The following PDE4D variants were observed in gnomAD, a reference collection of about 807,000 sequenced individuals.
PDE4D encodes phosphodiesterase 4D, also known as 3',5'-cyclic-AMP phosphodiesterase 4D.
A neutral mutation model predicts 87.4 loss-of-function variants in PDE4D; 24 were observed. That is an observed-to-expected ratio of 0.27 (90% CI 0.20 to 0.39). The LOEUF (loss-of-function observed/expected upper bound fraction) is 0.39. Ranked by LOEUF, PDE4D falls within the 10% of genes least tolerant of loss-of-function variation. The pLI is 1.00. For synonymous variants in PDE4D, 384 were observed against 383.2 expected, an observed-to-expected ratio of 1.00 and a Z score of -0.02; for missense variants, 714 against 1,041.0, an observed-to-expected ratio of 0.69 and a Z score of 4.32.
chr5:60,142,689 G>T (rs1415539769), intron 2 of PDE4D, among the ~76,000 whole-genome samples: 2 of 152,140 alleles, frequency 1.3e-5, no homozygotes, highest in Non-Finnish European at 2.9e-5. Flanking sequence ...TAAGGTTGGG[G>T]CCAGATGACG....
intron 5 of PDE4D, among the ~76,000 whole-genome samples, chr5:59,139,987 T>C (rs1441229606): frequency 1.3e-5 from 2 of 152,158 alleles, no homozygotes; most frequent in Non-Finnish European, 2.9e-5. Flanking sequence ...CCTAGAAACA[T>C]GTAAGTCTGA....
At chr5:59,882,740 T>G (rs1486515949) in intron 1 of PDE4D, among the ~76,000 whole-genome samples, 1 of 151,724 alleles carries the variant, frequency 6.6e-6, no homozygotes, top group Non-Finnish European at 1.5e-5. Flanking sequence ...ATCAGAAAGC[T>G]GGATACCAAC....
chr5:59,908,432 C>T (rs1753077303), intron 3 of PDE4D, among the ~76,000 whole-genome samples: 1 of 152,132 alleles, frequency 6.6e-6, no homozygotes, highest in South Asian at 2.1e-4. Flanking sequence ...TTTGCATCAA[C>T]CTGAGACTGA....
At chr5:59,067,719 T>G (rs1764153801) in intron 5 of PDE4D, among the ~76,000 whole-genome samples, 1 of 152,212 alleles carries the variant, frequency 6.6e-6, no homozygotes, top group Non-Finnish European at 1.5e-5. Flanking sequence ...GTTATCCCTT[T>G]GCATGTTCTT....
At chr5:59,079,635 G>A (rs1766318704) in intron 5 of PDE4D, among the ~76,000 whole-genome samples, 1 of 148,136 alleles carries the variant, frequency 6.8e-6, no homozygotes, top group Admixed American at 6.8e-5. Context: ...AGACCAGCCT[G>A]GGCAACATAG....
intron 3 of PDE4D, among the ~76,000 whole-genome samples, chr5:59,940,352 T>A (rs1473742089): frequency 4.6e-5 from 7 of 152,152 alleles, no homozygotes; most frequent in Non-Finnish European, 1.0e-4. Context: ...GGATACCAGT[T>A]AGGAGGGTGC....
intron 1 of PDE4D, among the ~76,000 whole-genome samples, chr5:59,303,853 G>A (rs1261434870): frequency 6.6e-6 from 1 of 152,098 alleles, no homozygotes; most frequent in African/African-American, 2.4e-5. Context: ...TTTTTGCTTG[G>A]TCTTGCTTTG....
intron 1 of PDE4D, among the ~76,000 whole-genome samples, chr5:60,487,202 T>G (rs1444259057): frequency 1.3e-5 from 2 of 152,354 alleles, no homozygotes; most frequent in African/African-American, 4.8e-5. Context: ...CATACAAACC[T>G]AATAACGGCT....
rs569757951 is a variant in PDE4D at position 60,398,248 on chromosome 5, T to G, written c.-90+89694A>C. ...TGAAGAAGGCCATAGCTGTATTAGCTTCTTCCATCCACCACTCACACAACA... is the reference window on the plus strand; with the variant it reads ...TGAAGAAGGCCATAGCTGTATTAGCGTCTTCCATCCACCACTCACACAACA... On this transcript the variant is annotated intron_variant, in intron 1 of 16. Coordinates refer to the PDE4D transcript ENST00000502484. 5.3e-5 allele frequency among the ~76,000 whole-genome samples: 8 copies of G among 152,312 alleles called. No homozygotes were observed. In the East Asian group the frequency reaches 1.4e-3, roughly 26 times the overall value.
chr5:60,046,703 C>T (rs1336089755), intron 2 of PDE4D, among the ~76,000 whole-genome samples: 1 of 152,148 alleles, frequency 6.6e-6, no homozygotes, highest in Admixed American at 6.5e-5. Context: ...AGCCTTGCAT[C>T]CCAGGGATGA....
rs1168175467 is a variant in PDE4D, at chr5:58,974,758, G to A, written c.2336C>T (p.Pro779Leu). The change falls in exon 15 of 15, where the codon CCC becomes CTC. Residue 779 changes from proline (P) to leucine (L), a missense_variant. Physicochemically the swap from Pro to Leu is moderately conservative, Grantham distance 98 (BLOSUM62 -3). Transcript: ENST00000340635. ...CTCCTCTTCAACCTGTTCATCAAGG[G>A]GAATTTCAGTAGACTCTGAGTCTTG... ...CTQDSESTEI[P>L]LDEQVEEEAV... 1 of 1,613,466 alleles carries A rather than the reference G, an allele frequency of 6.2e-7. No individual in the cohort carries two copies. Among genetic ancestry groups the A allele is most frequent in the Non-Finnish European group, 8.5e-7 (1 of 1,179,618 alleles).
chr5:59,147,124 C>A (rs1298153066), intron 5 of PDE4D, among the ~76,000 whole-genome samples: 6 of 152,182 alleles, frequency 3.9e-5, no homozygotes, highest in Non-Finnish European at 8.8e-5. Flanking sequence ...ACCCCTCTCC[C>A]CACCATCCAT....
intron 1 of PDE4D, among the ~76,000 whole-genome samples, chr5:59,787,459 G>T (rs769443235): frequency 2.0e-5 from 3 of 152,300 alleles, no homozygotes; most frequent in Non-Finnish European, 4.4e-5. Flanking sequence ...CACACCCTTT[G>T]TCACTTGTAT....
chr5:59,630,693 G>T (rs1023106221), intron 1 of PDE4D, among the ~76,000 whole-genome samples: 4 of 152,140 alleles, frequency 2.6e-5, no homozygotes, highest in Non-Finnish European at 4.4e-5. Context: ...CTTGATGAGT[G>T]ACAAGGTCAC....
At chr5:59,087,674 C>T (rs1767955845) in intron 5 of PDE4D, among the ~76,000 whole-genome samples, 1 of 152,182 alleles carries the variant, frequency 6.6e-6, no homozygotes. Flanking sequence ...CATTTCTTAG[C>T]AGTTCCTAAT....
intron 5 of PDE4D, among the ~76,000 whole-genome samples, chr5:59,126,235 A>G (rs1373479830): frequency 6.6e-6 from 1 of 152,202 alleles, no homozygotes; most frequent in African/African-American, 2.4e-5. Flanking sequence ...CAAAAATGAA[A>G]GCAAAAGAGA....
intron 1 of PDE4D, among the ~76,000 whole-genome samples, chr5:59,231,095 T>G (rs1024996570): frequency 1.3e-5 from 2 of 152,216 alleles, no homozygotes; most frequent in Non-Finnish European, 2.9e-5. Flanking sequence ...GGTTACAAAT[T>G]ATCTTTTAAA....
intron 1 of PDE4D, among the ~76,000 whole-genome samples, chr5:59,479,299 C>T (rs914646751): frequency 1.3e-5 from 2 of 151,998 alleles, no homozygotes; most frequent in African/African-American, 4.8e-5. Flanking sequence ...TTGGGAGGCT[C>T]ATGACATAAC....
intron 1 of PDE4D, among the ~76,000 whole-genome samples, chr5:59,760,701 A>G (rs1761863724): frequency 6.6e-6 from 1 of 152,200 alleles, no homozygotes; most frequent in African/African-American, 2.4e-5. Context: ...AACAAACCTG[A>G]TGCATCTTAG....
Sources: gnomAD v4.1 joint callset for allele counts (sites outside exome capture counted in the v4.1 genomes callset) on GRCh38, gnomAD v4.1.1 for gene constraint, MANE v1.5 for transcripts, NCBI Gene and HGNC (gene_info 2026-07-23, HGNC 2026-07-21) for gene names.